Variants in PCSK6 observed in about 807,000 individuals in gnomAD.
The protein encoded by PCSK6 is paired basic amino acid cleaving enzyme 4.
A neutral mutation model predicts 123.3 loss-of-function variants in PCSK6; 85 were observed. The ratio of observed to expected loss-of-function variants is 0.69; its 90% confidence interval spans 0.58 to 0.83. PCSK6 has a LOEUF of 0.83. PCSK6 is among the 40% of genes least tolerant of loss of function. The pLI is 0.00. For synonymous variants in PCSK6, 508 were observed against 516.0 expected, an observed-to-expected ratio of 0.98 and a Z score of 0.21; for missense variants, 1,191 against 1,282.3, an observed-to-expected ratio of 0.93 and a Z score of 1.09.
intron 13 of PCSK6, among the ~76,000 whole-genome samples, chr15:101,337,654 G>C (rs143926350): frequency 6.6e-6 from 1 of 151,988 alleles, no homozygotes; most frequent in Non-Finnish European, 1.5e-5. Context: ...AATCGCATTC[G>C]ACGTTATTTA....
rs2039900370 is a variant in PCSK6, at chr15:101,312,919, T to C, written c.2699+457A>G. ...ACTCGGGAGGCTGAGGCATGAGAGT[T>C]GCTTGAATCCCAGAGGCAGAGGTTG... On this transcript the variant is annotated intron_variant, in intron 20 of 21. Coordinates refer to ENST00000611716, the MANE Select transcript of PCSK6 (RefSeq NM_002570.5). 8.5e-6 allele frequency: 4 copies of C among 471,396 alleles called. No individual in the cohort carries two copies. In the South Asian group the frequency reaches 1.6e-4, roughly 19 times the overall value. 29.2% of individuals were successfully genotyped at this position (471,396 alleles called of 1,614,324 possible).
chr15:101,431,275 G>C, intron 4 of PCSK6, 45 bp downstream of exon 4: 1 of 1,604,192 alleles, frequency 6.2e-7, no homozygotes. Flanking sequence ...TTAATGACCA[G>C]CACAGTTGAA....
intron 13 of PCSK6, among the ~76,000 whole-genome samples, chr15:101,356,831 G>C (rs551428546): frequency 1.2e-4 from 18 of 152,358 alleles, no homozygotes; most frequent in African/African-American, 2.9e-4. Flanking sequence ...TCCTGGAAGA[G>C]AGTGATCCTG....
intron 6 of PCSK6, among the ~76,000 whole-genome samples, chr15:101,415,215 C>G (rs189072253): frequency 6.6e-6 from 1 of 152,166 alleles, no homozygotes; most frequent in Non-Finnish European, 1.5e-5. Flanking sequence ...AGAAAGACTC[C>G]AGAACTTCTG....
chr15:101,336,424 G>A (rs908756541), intron 13 of PCSK6, among the ~76,000 whole-genome samples: 6 of 152,260 alleles, frequency 3.9e-5, no homozygotes, highest in South Asian at 2.1e-4. Context: ...CGTAAAACTC[G>A]TCACACGTCA....
chr15:101,406,441 A>G (rs2042784632), intron 6 of PCSK6, among the ~76,000 whole-genome samples: 1 of 152,220 alleles, frequency 6.6e-6, no homozygotes, highest in South Asian at 2.1e-4. Context: ...GGCCTCCCCA[A>G]CACATTTTGC....
chr15:101,364,928 A>G, intron 13 of PCSK6: 1 of 742,952 alleles, frequency 1.3e-6, no homozygotes. Flanking sequence ...ACAGTGATCA[A>G]AACAATATGG....
intron 6 of PCSK6, among the ~76,000 whole-genome samples, chr15:101,410,541 T>A (rs1262725297): frequency 2.6e-5 from 4 of 152,236 alleles, no homozygotes; most frequent in African/African-American, 9.6e-5. Context: ...CTGTTCCCAT[T>A]ATCATACCTT....
chr15:101,435,421 G>C (rs571841393), intron 2 of PCSK6, among the ~76,000 whole-genome samples: 1 of 152,272 alleles, frequency 6.6e-6, no homozygotes, highest in Admixed American at 6.5e-5. Flanking sequence ...AAGTGATTTG[G>C]GGCAAAGGCA....
intron 13 of PCSK6, among the ~76,000 whole-genome samples, chr15:101,352,802 G>A (rs2040930841): frequency 6.6e-6 from 1 of 152,218 alleles, no homozygotes; most frequent in Non-Finnish European, 1.5e-5. Flanking sequence ...GATGAGGACT[G>A]TGTTAAAGTG....
intron 2 of PCSK6, among the ~76,000 whole-genome samples, chr15:101,439,296 G>A (rs1170625502): frequency 1.3e-5 from 2 of 152,256 alleles, no homozygotes; most frequent in Non-Finnish European, 2.9e-5. Context: ...ACTTTGGATT[G>A]TCTTTGAGAT....
intron 13 of PCSK6, among the ~76,000 whole-genome samples, chr15:101,338,937 T>G (rs1252420986): frequency 6.6e-6 from 1 of 152,256 alleles, no homozygotes; most frequent in South Asian, 2.1e-4. Context: ...TCATTCACTA[T>G]CTTCAATGCA....
chr15:101,393,796 G>C (rs745964210), intron 7 of PCSK6, among the ~76,000 whole-genome samples: 1 of 152,200 alleles, frequency 6.6e-6, no homozygotes, highest in Non-Finnish European at 1.5e-5. Context: ...TGCTGCAAAT[G>C]ACACTGAGAT....
chr15:101,402,015 A>G (rs2042603031), intron 6 of PCSK6, among the ~76,000 whole-genome samples: 1 of 152,056 alleles, frequency 6.6e-6, no homozygotes. Flanking sequence ...CCTGACTTCA[A>G]ACTATACGAC....
rs541918052 is a variant in PCSK6, at chr15:101,480,419, T to A, written c.297+8955A>T. Among the ~76,000 whole-genome samples the A allele has an allele frequency of 2.0e-5, 3 of 152,372 alleles. No individual in the cohort carries two copies. The South Asian group carries it at 6.2e-4, about 32-fold the overall frequency. ...GCCAAGGCAAGACAATGAGACTTTC[T>A]TCCTTTCCACGGTGCCCCTGTCTTG... On this transcript the variant is annotated intron_variant, in intron 1 of 21. Coordinates refer to ENST00000611716, the MANE Select transcript of PCSK6 (RefSeq NM_002570.5).
At chr15:101,377,744 A>G (rs1181550587) in intron 11 of PCSK6, among the ~76,000 whole-genome samples, 3 of 152,242 alleles carry the variant, frequency 2.0e-5, no homozygotes, top group African/African-American at 7.2e-5. Context: ...ACATCTATAA[A>G]AAGATTATCT....
chr15:101,370,612 T>A, intron 11 of PCSK6, 89 bp from the exon 12 acceptor site: 1 of 1,233,056 alleles, frequency 8.1e-7, no homozygotes, highest in African/African-American at 1.5e-5. Context: ...GTCCACTCTA[T>A]CCCCACTGCA....
intron 12 of PCSK6, 147 bp downstream of exon 12, chr15:101,370,188 G>C: frequency 1.7e-6 from 1 of 597,940 alleles, no homozygotes; most frequent in Non-Finnish European, 2.6e-6. Flanking sequence ...GTCTCCAAGA[G>C]AAAGGAAGCT....
intron 2 of PCSK6, among the ~76,000 whole-genome samples, chr15:101,432,315 C>T (rs2056471509): frequency 1.3e-5 from 2 of 152,056 alleles, no homozygotes; most frequent in Admixed American, 1.3e-4. Flanking sequence ...TAACACCACT[C>T]TGATAGATTT....
Sources: gnomAD v4.1 joint callset for allele counts (sites outside exome capture counted in the v4.1 genomes callset) on GRCh38, gnomAD v4.1.1 for gene constraint, MANE v1.5 for transcripts, NCBI Gene and HGNC (gene_info 2026-07-23, HGNC 2026-07-21) for gene names.